The following MCTP1 variants were observed in gnomAD, a reference collection of about 807,000 sequenced individuals.
MCTP1 encodes the protein multiple C2 and transmembrane domain-containing protein 1.
MCTP1 carries 69 observed loss-of-function variants against 120.6 expected under a neutral mutation model. That is an observed-to-expected ratio of 0.57 (90% CI 0.47 to 0.70). The LOEUF (loss-of-function observed/expected upper bound fraction) is 0.70. Among genes scored for constraint, MCTP1 ranks in the 30% least tolerant of loss-of-function variants. The probability of loss-of-function intolerance (pLI) is 0.00; values close to 1 mark genes in which losing one functional copy is unlikely to be tolerated. For missense variants in MCTP1, 1,203 were observed against 1,248.8 expected, an observed-to-expected ratio of 0.96 and a Z score of 0.55; for synonymous variants, 529 against 493.1, an observed-to-expected ratio of 1.07 and a Z score of -0.96.
chr5:95,281,523 A>G (rs1760314434), intron 1 of MCTP1, among the ~76,000 whole-genome samples: 1 of 152,244 alleles, frequency 6.6e-6, no homozygotes, highest in Admixed American at 6.5e-5. Flanking sequence ...CATGAGCAGC[A>G]GACGCTAGGG....
chr5:95,267,238 C>G (rs1758974596), intron 1 of MCTP1, among the ~76,000 whole-genome samples: 2 of 152,070 alleles, frequency 1.3e-5, no homozygotes, highest in South Asian at 4.1e-4. Context: ...CTTATAGAAC[C>G]CTCTCCAAAG....
intron 19 of MCTP1, among the ~76,000 whole-genome samples, chr5:94,742,645 T>G (rs1335625319): frequency 6.6e-6 from 1 of 152,210 alleles, no homozygotes; most frequent in African/African-American, 2.4e-5. Context: ...TTTTCTTTTT[T>G]TTTTTAATTT....
At chr5:94,907,661 CATA>C (rs1173906221) in intron 10 of MCTP1, among the ~76,000 whole-genome samples, 1 of 151,868 alleles carries the variant, frequency 6.6e-6, no homozygotes, top group African/African-American at 2.4e-5. Context: ...TTGAAGAACT[CATA>C]ATGTTATTAA....
intron 11 of MCTP1, among the ~76,000 whole-genome samples, chr5:94,893,492 A>G (rs61282763): frequency 0.11 from 16,251 of 152,242 alleles, 1,474 homozygotes; most frequent in African/African-American, 0.25. Flanking sequence ...GTTTAAAAAT[A>G]TATACTATTT....
At chr5:94,963,546 T>G (rs1396238534) in intron 2 of MCTP1, among the ~76,000 whole-genome samples, 1 of 151,972 alleles carries the variant, frequency 6.6e-6, no homozygotes, top group Admixed American at 6.6e-5. Context: ...CATTTGCATT[T>G]CCCTGATGAT....
At chr5:95,051,291 C>A (rs557932881) in intron 1 of MCTP1, among the ~76,000 whole-genome samples, 3 of 152,244 alleles carry the variant, frequency 2.0e-5, no homozygotes, top group East Asian at 3.9e-4. Context: ...CAATTCCATC[C>A]CAGGCCCGAA....
chr5:95,198,086 G>A (rs1005071491), intron 1 of MCTP1, among the ~76,000 whole-genome samples: 2 of 151,868 alleles, frequency 1.3e-5, no homozygotes, highest in African/African-American at 4.8e-5. Context: ...CGGAATCCAC[G>A]GATACAGAGG....
chr5:95,274,162 C>T (rs1011949564), intron 1 of MCTP1, among the ~76,000 whole-genome samples: 1 of 152,326 alleles, frequency 6.6e-6, no homozygotes, highest in South Asian at 2.1e-4. Flanking sequence ...TCTGCCCACA[C>T]CCTAGCTTTC....
intron 2 of MCTP1, among the ~76,000 whole-genome samples, chr5:95,010,294 T>C (rs1177293825): frequency 6.6e-6 from 1 of 152,118 alleles, no homozygotes; most frequent in Non-Finnish European, 1.5e-5. Context: ...CCATCTACTA[T>C]ATATTACTTT....
At chr5:94,979,517 C>T (rs1828935265) in intron 2 of MCTP1, 1 of 152,058 alleles carries the variant, frequency 6.6e-6, no homozygotes, top group African/African-American at 2.4e-5. Context: ...AATGCTACTG[C>T]TTGGCAATAT....
chr5:95,139,868 G>A (rs988228884), intron 1 of MCTP1, among the ~76,000 whole-genome samples: 2 of 152,090 alleles, frequency 1.3e-5, no homozygotes, highest in Admixed American at 1.3e-4. Context: ...AATGAATAAC[G>A]GAATGGTAAT....
At position 94,985,541 on chromosome 5, in the gene MCTP1, G is replaced by C. The variant is rs563170509; in HGVS notation, c.838+31826C>G. On this transcript the variant is annotated intron_variant, in intron 2 of 22. Transcript: ENST00000515393. ...ATCTATGAATACTGCCAGTTCTGAA[G>C]ATCTTCACTTAAAAAACAGATTCCA... 4.6e-5 allele frequency among the ~76,000 whole-genome samples: 7 copies of C among 152,232 alleles called. No individual in the cohort carries two copies. In the South Asian group the frequency reaches 1.5e-3, roughly 32 times the overall value.
chr5:95,236,742 T>C (rs1241852579), intron 1 of MCTP1, among the ~76,000 whole-genome samples: 1 of 152,118 alleles, frequency 6.6e-6, no homozygotes, highest in Non-Finnish European at 1.5e-5. Flanking sequence ...CAAAAACATT[T>C]ATAAAAATGC....
At chr5:95,040,554 G>A (rs1282970228) in intron 1 of MCTP1, among the ~76,000 whole-genome samples, 1 of 152,070 alleles carries the variant, frequency 6.6e-6, no homozygotes, top group Non-Finnish European at 1.5e-5. Flanking sequence ...GAAGTAAACA[G>A]CCCTCTTGAC....
intron 18 of MCTP1, among the ~76,000 whole-genome samples, chr5:94,787,754 C>A (rs1308421998): frequency 6.6e-6 from 1 of 152,072 alleles, no homozygotes; most frequent in Admixed American, 6.5e-5. Context: ...GTAGCTGGGA[C>A]TGCAGGTGCC....
chr5:94,812,881 A>C (rs1783727260), intron 17 of MCTP1, among the ~76,000 whole-genome samples: 2 of 150,886 alleles, frequency 1.3e-5, no homozygotes, highest in Admixed American at 1.3e-4. Context: ...ATTCACAGAC[A>C]CAACACCAAA....
At chr5:94,940,547 T>TAC (rs551582012) in intron 4 of MCTP1, among the ~76,000 whole-genome samples, 6 of 131,078 alleles carry the variant, frequency 4.6e-5, no homozygotes, top group African/African-American at 8.8e-5. Flanking sequence ...TGTATACACA[T>TAC]ACACACACAC....
intron 17 of MCTP1, among the ~76,000 whole-genome samples, chr5:94,845,875 T>C (rs1758785737): frequency 6.6e-6 from 1 of 152,146 alleles, no homozygotes; most frequent in African/African-American, 2.4e-5. Context: ...TTTAAAAGCA[T>C]GTGGCCAAGA....
rs929303810 is a variant in MCTP1, at chr5:94,913,697, T to C, written c.1351-721A>G. Among the ~76,000 whole-genome samples the C allele has an allele frequency of 3.0e-4, 46 of 152,024 alleles. 1 individual carries two copies. The highest frequency in any genetic ancestry group is 1.1e-3 in the African/African-American group (45 of 41,380). On this transcript the variant is annotated intron_variant, in intron 8 of 22. Transcript: ENST00000515393. ...ATCTGAATATTTTCTTTAATGACTT[T>C]TATTATTCTTTTTTTTTTCTTTTTA...
Sources: allele counts gnomAD v4.1 joint callset (sites outside exome capture counted in the v4.1 genomes callset), GRCh38; gene constraint gnomAD v4.1.1; transcripts MANE v1.5; gene names NCBI Gene and HGNC (gene_info 2026-07-23, HGNC 2026-07-21).